BLTP1: variants seen among roughly 807,000 people sequenced by gnomAD.
BLTP1 encodes bridge-like lipid transfer protein family member 1.
the BLTP1 span, among the ~76,000 whole-genome samples, chr4:122,282,270 C>T: frequency 6.6e-6 from 1 of 152,110 alleles, no homozygotes; most frequent in African/African-American, 2.4e-5. Context: ...TACATATACA[C>T]ATTTTAAAGA....
the BLTP1 span, among the ~76,000 whole-genome samples, chr4:122,303,976 T>C: frequency 6.6e-6 from 1 of 152,152 alleles, no homozygotes; most frequent in Non-Finnish European, 1.5e-5. Context: ...CTGCTGTGGG[T>C]AAAATGCTAT....
the BLTP1 span, among the ~76,000 whole-genome samples, chr4:122,208,885 C>CA: frequency 1.4e-5 from 2 of 143,950 alleles, no homozygotes; most frequent in Non-Finnish European, 3.0e-5. Context: ...CTAAAAAAAA[C>CA]AAAAAACAGC....
At chr4:122,348,096 C>T in the BLTP1 span, among the ~76,000 whole-genome samples, 191 of 152,056 alleles carry the variant, frequency 1.3e-3, no homozygotes, top group African/African-American at 4.1e-3. Flanking sequence ...ATGTAGTTCT[C>T]GTCAAAAGAT....
At chr4:122,234,333 A>G in the BLTP1 span, 126 of 191,518 alleles carry the variant, frequency 6.6e-4, no homozygotes, top group Middle Eastern at 2.5e-3. Context: ...TCAGTGTTTT[A>G]AATTTGCAAT....
chr4:122,263,001 G>A, the BLTP1 span: 1 of 1,608,794 alleles, frequency 6.2e-7, no homozygotes, highest in Non-Finnish European at 8.5e-7. Context: ...CTCTAGATTT[G>A]ATAATTACAT....
the BLTP1 span, chr4:122,215,422 T>C: frequency 2.0e-6 from 2 of 985,300 alleles, no homozygotes; most frequent in African/African-American, 3.5e-5. Flanking sequence ...TGCTGGTAAC[T>C]GTTTTGTTGG....
chr4:122,274,477 A>G, the BLTP1 span: 2 of 1,568,914 alleles, frequency 1.3e-6, no homozygotes, highest in South Asian at 1.2e-5. Flanking sequence ...TTATAGTTTT[A>G]GACAAAAATG....
the BLTP1 span, chr4:122,201,246 T>C: frequency 1.3e-6 from 1 of 755,904 alleles, no homozygotes; most frequent in East Asian, 3.0e-5. Flanking sequence ...CTTCAACATT[T>C]CATTTTGGGC....
the BLTP1 span, among the ~76,000 whole-genome samples, chr4:122,268,796 T>C: frequency 2.0e-5 from 3 of 152,184 alleles, no homozygotes; most frequent in African/African-American, 7.2e-5. Context: ...TATTGTGCTT[T>C]CTGTGCATGA....
the BLTP1 span, among the ~76,000 whole-genome samples, chr4:122,284,706 C>T: frequency 2.6e-5 from 4 of 152,120 alleles, no homozygotes; most frequent in African/African-American, 4.8e-5. Context: ...ACCATATTTA[C>T]AAAGATATTT....
chr4:122,340,915 C>T, the BLTP1 span: 2 of 785,340 alleles, frequency 2.5e-6, no homozygotes, highest in Non-Finnish European at 3.1e-6. Flanking sequence ...AACACTACAA[C>T]ATTTCTGTAG....
At chr4:122,244,494 T>TA in the BLTP1 span, 1 of 224,660 alleles carries the variant, frequency 4.5e-6, no homozygotes, top group Non-Finnish European at 7.4e-6. Flanking sequence ...GCTGACTGTA[T>TA]ATTCAAATTA....
At chr4:122,254,231 C>A in the BLTP1 span, 1 of 1,612,622 alleles carries the variant, frequency 6.2e-7, no homozygotes, top group Non-Finnish European at 8.5e-7. Flanking sequence ...GAAAAAAGAT[C>A]TACCTCTGAT....
At chr4:122,171,744 C>G in the BLTP1 span, 1 of 891,796 alleles carries the variant, frequency 1.1e-6, no homozygotes, top group Non-Finnish European at 1.3e-6. Flanking sequence ...GTTCCCTTTC[C>G]TATCACCTAG....
the BLTP1 span, among the ~76,000 whole-genome samples, chr4:122,228,146 C>A: frequency 6.6e-6 from 1 of 152,106 alleles, no homozygotes; most frequent in Non-Finnish European, 1.5e-5. Context: ...ATCTCCTGAC[C>A]TCGTGATCCG....
chr4:122,165,937 A>C, the BLTP1 span, among the ~76,000 whole-genome samples: 7 of 150,712 alleles, frequency 4.6e-5, no homozygotes, highest in Non-Finnish European at 7.4e-5. Context: ...TTTTTCTTGT[A>C]AATTTGTTTG....
chr4:122,171,864 A>C, the BLTP1 span: 1 of 984,888 alleles, frequency 1.0e-6, no homozygotes, highest in Non-Finnish European at 1.2e-6. Context: ...TTTTACTATG[A>C]GCATAGGGGG....
the BLTP1 span, among the ~76,000 whole-genome samples, chr4:122,165,738 T>G: frequency 4.6e-5 from 6 of 129,340 alleles, 1 homozygote; most frequent in Non-Finnish European, 1.0e-4. Flanking sequence ...GCACCTGTTG[T>G]TTCTTGACTT....
At chr4:122,263,712 G>T in the BLTP1 span, 1 of 618,096 alleles carries the variant, frequency 1.6e-6, no homozygotes, top group East Asian at 2.9e-5. Flanking sequence ...GGTTGAAATT[G>T]GTCCATTTAT....
Sources: gnomAD v4.1 joint callset for allele counts (sites outside exome capture counted in the v4.1 genomes callset) on GRCh38, gnomAD v4.1.1 for gene constraint, MANE v1.5 for transcripts, NCBI Gene and HGNC (gene_info 2026-07-23, HGNC 2026-07-21) for gene names.